The following SGMS1 variants were observed in gnomAD, a reference collection of about 807,000 sequenced individuals.
The protein encoded by SGMS1 is phosphatidylcholine:ceramide cholinephosphotransferase 1.
A neutral mutation model predicts 46.2 loss-of-function variants in SGMS1; 13 were observed. The observed-to-expected ratio is 0.28, with a 90% CI of 0.18 to 0.45. SGMS1 has a LOEUF of 0.45. Ranked by LOEUF, SGMS1 falls within the 20% of genes least tolerant of loss-of-function variation. The probability of loss-of-function intolerance (pLI) is 1.00; values close to 1 mark genes in which losing one functional copy is unlikely to be tolerated. For missense variants in SGMS1, 324 were observed against 519.9 expected (o/e 0.62, Z 3.66); for synonymous variants, 203 against 187.8 (o/e 1.08, Z -0.66).
intron 5 of SGMS1, among the ~76,000 whole-genome samples, chr10:50,447,075 T>C (rs1475531237): frequency 6.6e-6 from 1 of 152,218 alleles, no homozygotes; most frequent in African/African-American, 2.4e-5. Context: ...TTTGAACATT[T>C]GTTCCAACCA....
At chr10:50,376,365 C>T (rs1271286328) in intron 6 of SGMS1, among the ~76,000 whole-genome samples, 4 of 152,152 alleles carry the variant, frequency 2.6e-5, no homozygotes, top group Admixed American at 6.5e-5. Flanking sequence ...GAGAGTCCCT[C>T]GACCTCCCGG....
chr10:50,567,668 A>C (rs1838301704), intron 2 of SGMS1, among the ~76,000 whole-genome samples: 2 of 152,146 alleles, frequency 1.3e-5, no homozygotes, highest in Admixed American at 1.3e-4. Flanking sequence ...TTGCCAATTT[A>C]TGTTACCTGC....
chr10:50,454,513 G>A (rs2133671093), intron 5 of SGMS1, among the ~76,000 whole-genome samples: 1 of 152,174 alleles, frequency 6.6e-6, no homozygotes, highest in African/African-American at 2.4e-5. Context: ...AATCAGTGAG[G>A]CTTAGTGATC....
At chr10:50,559,604 G>A (rs970190946) in intron 2 of SGMS1, among the ~76,000 whole-genome samples, 2 of 152,154 alleles carry the variant, frequency 1.3e-5, no homozygotes, top group South Asian at 2.1e-4. Flanking sequence ...AGTACAAACT[G>A]TTACCCTATC....
chr10:50,424,099 G>T (rs1400265058), intron 6 of SGMS1, among the ~76,000 whole-genome samples: 1 of 152,218 alleles, frequency 6.6e-6, no homozygotes, highest in African/African-American at 2.4e-5. Context: ...AGCCATGTTT[G>T]TCTGACCTGA....
chr10:50,352,070 T>G (rs553420370), intron 6 of SGMS1, among the ~76,000 whole-genome samples: 5 of 152,218 alleles, frequency 3.3e-5, no homozygotes, highest in Non-Finnish European at 7.3e-5. Context: ...AATAAACTTT[T>G]ATTTTTCCAA....
At chr10:50,612,297 T>A (rs1838757166) in intron 1 of SGMS1, among the ~76,000 whole-genome samples, 1 of 152,204 alleles carries the variant, frequency 6.6e-6, no homozygotes, top group Non-Finnish European at 1.5e-5. Context: ...AGACTGAACA[T>A]CCACATTTTG....
Position 50,343,891 on chromosome 10 carries a change from G to C in SGMS1, c.224C>G (p.Ala75Gly). ...ETLKMEHHLE[A>G]HKNGHANGHL... ...CCCATTGGCATGGCCGTTCTTGTGT[G>C]CTTCCAAATGGTGCTCCATTTTCAG... Residue 75 changes from alanine to glycine, a missense_variant, in exon 7 of 11, where the codon GCA becomes GGA. Physicochemically the swap from Ala to Gly is moderately conservative, Grantham distance 60. Around this residue, in one of 2 missense-constraint regions of SGMS1, gnomAD observed 150 missense variants for 169.8 expected, o/e 0.88. Transcript: ENST00000361781. 1 of 1,614,144 alleles carries C rather than the reference G, an allele frequency of 6.2e-7. No individual in the cohort carries two copies. Among genetic ancestry groups the C allele is most frequent in the Non-Finnish European group, 8.5e-7 (1 of 1,180,032 alleles).
chr10:50,613,037 C>T (rs1004425507), intron 1 of SGMS1, among the ~76,000 whole-genome samples: 3 of 152,196 alleles, frequency 2.0e-5, no homozygotes, highest in African/African-American at 4.8e-5. Flanking sequence ...TCTGATTCTC[C>T]CTTTGGGGGC....
chr10:50,469,793 T>C (rs12263463), intron 3 of SGMS1, among the ~76,000 whole-genome samples: 5,254 of 152,264 alleles, frequency 0.035, 305 homozygotes, highest in African/African-American at 0.12. Flanking sequence ...GAAAACACAC[T>C]GGAGTAAGAG....
intron 2 of SGMS1, among the ~76,000 whole-genome samples, chr10:50,589,818 G>A (rs758206771): frequency 1.3e-5 from 2 of 152,176 alleles, no homozygotes; most frequent in Non-Finnish European, 2.9e-5. Context: ...AGTGAAGGGA[G>A]CATAACTCAG....
intron 2 of SGMS1, among the ~76,000 whole-genome samples, chr10:50,576,500 C>A (rs774787827): frequency 5.3e-5 from 8 of 152,192 alleles, no homozygotes; most frequent in Non-Finnish European, 1.0e-4. Context: ...TTCTTCTCAT[C>A]CCCCTCCAAA....
intron 6 of SGMS1, among the ~76,000 whole-genome samples, chr10:50,350,141 C>A (rs775706814): frequency 2.6e-5 from 4 of 152,198 alleles, no homozygotes; most frequent in Non-Finnish European, 5.9e-5. Flanking sequence ...TTGTTGGGAA[C>A]TGGAGCAAAG....
intron 6 of SGMS1, among the ~76,000 whole-genome samples, chr10:50,408,744 A>G (rs1487045236): frequency 1.3e-5 from 2 of 152,018 alleles, no homozygotes; most frequent in African/African-American, 4.8e-5. Context: ...GGTGCGTCTC[A>G]AGTATCCCAG....
At chr10:50,366,479 C>T (rs778372557) in intron 6 of SGMS1, among the ~76,000 whole-genome samples, 1 of 152,152 alleles carries the variant, frequency 6.6e-6, no homozygotes, top group Non-Finnish European at 1.5e-5. Context: ...ATAAATCATT[C>T]TACGATAAAG....
At chr10:50,398,908 C>A (rs186794434) in intron 6 of SGMS1, among the ~76,000 whole-genome samples, 2 of 151,978 alleles carry the variant, frequency 1.3e-5, no homozygotes, top group African/African-American at 4.8e-5. Flanking sequence ...AGAAATACTA[C>A]TTATGGATAT....
chr10:50,558,187 T>C (rs1838204411), intron 2 of SGMS1, among the ~76,000 whole-genome samples: 1 of 152,226 alleles, frequency 6.6e-6, no homozygotes, highest in African/African-American at 2.4e-5. Context: ...CTCCTGCCTC[T>C]GTGCTTCTTC....
chr10:50,551,871 C>A (rs1341178470), intron 2 of SGMS1, among the ~76,000 whole-genome samples: 1 of 152,102 alleles, frequency 6.6e-6, no homozygotes. Flanking sequence ...TTCTGACACA[C>A]AAATCTGAAG....
At chr10:50,552,826 G>C (rs1367573577) in intron 2 of SGMS1, among the ~76,000 whole-genome samples, 1 of 152,130 alleles carries the variant, frequency 6.6e-6, no homozygotes, top group East Asian at 1.9e-4. Flanking sequence ...GCAATCAAAG[G>C]TATCCTTCCT....
Sources: gnomAD v4.1 joint callset for allele counts (sites outside exome capture counted in the v4.1 genomes callset) on GRCh38, gnomAD v4.1.1 for gene constraint, gnomAD v4.1.1 regional missense constraint, MANE v1.5 for transcripts, NCBI Gene and HGNC (gene_info 2026-07-23, HGNC 2026-07-21) for gene names.